PLAG1: variants seen among roughly 807,000 people sequenced by gnomAD.
PLAG1 encodes zinc finger protein PLAG1.
PLAG1 carries 7 observed loss-of-function variants against 35.5 expected under a neutral mutation model. The ratio of observed to expected loss-of-function variants is 0.20; its 90% confidence interval spans 0.11 to 0.37. PLAG1 has a LOEUF of 0.37. PLAG1 is among the 10% of genes least tolerant of loss of function. The pLI is 1.00. For synonymous variants in PLAG1, 229 were observed against 225.4 expected, an observed-to-expected ratio of 1.02 and a Z score of -0.14; for missense variants, 454 against 602.8, an observed-to-expected ratio of 0.75 and a Z score of 2.58.
chr8:56,169,730 C>T (rs1278021000), intron 3 of PLAG1, among the ~76,000 whole-genome samples: 1 of 152,108 alleles, frequency 6.6e-6, no homozygotes, highest in Non-Finnish European at 1.5e-5. Context: ...CTTTTGTAGA[C>T]ACAGGGTCTC....
rs1474684982 is a variant in PLAG1, at chr8:56,167,030, T to A, written c.716A>T (p.Glu239Val). 4 of 1,614,052 alleles carry A rather than the reference T, an allele frequency of 2.5e-6. No individual in the cohort carries two copies. The highest frequency in any genetic ancestry group is 3.4e-6 in the Non-Finnish European group (4 of 1,179,932). ...TGGTTCTGTTTTGACCTTCAGAAGC[T>A]CTTGATTGTGACTCTTCTTCATATG... Reference protein sequence around the residue: ...TRHMKKSHNQELLKVKTEPVD... With the variant: ...TRHMKKSHNQVLLKVKTEPVD... Residue 239 changes from glutamate (E) to valine (V), a missense_variant, in exon 5 of 5, where the codon GAG (glutamate) becomes GTG (valine). Glu to Val is a moderately radical substitution (Grantham distance 121). Coordinates refer to ENST00000316981, the MANE Select transcript of PLAG1 (RefSeq NM_002655.3). The surrounding 1 kb of genome is among the most constrained non-coding windows in gnomAD (Gnocchi z 5.9).
chr8:56,200,039 CCTTTCTAG>C (rs1272817162), intron 1 of PLAG1, among the ~76,000 whole-genome samples: 1 of 152,146 alleles, frequency 6.6e-6, no homozygotes, highest in Non-Finnish European at 1.5e-5. Flanking sequence ...GGCCTGTCTC[CCTTTCTAG>C]CTTTCTCCAC....
At position 56,166,096 on chromosome 8, in the gene PLAG1, G is replaced by C; in HGVS notation, c.*147C>G. Reference sequence around the variant, plus strand: ...GTTCCAAAGCTCAGTTTAAAAGCTAGTTTCTATTTTATACTGGCTTAATGA... The same window carrying C: ...GTTCCAAAGCTCAGTTTAAAAGCTACTTTCTATTTTATACTGGCTTAATGA... On this transcript the variant is annotated 3_prime_UTR_variant, in exon 5 of 5. Coordinates refer to ENST00000316981, the MANE Select transcript of PLAG1 (RefSeq NM_002655.3). 1.9e-6 allele frequency: 1 copy of C among 516,592 alleles called. No individual in the cohort carries two copies. Among genetic ancestry groups the C allele is most frequent in the Non-Finnish European group, 3.4e-6 (1 of 294,210 alleles). 32.0% of individuals were successfully genotyped at this position (516,592 alleles called of 1,614,324 possible). A position where few individuals can be genotyped will look rare whatever the true frequency, so the allele number is the denominator to read the frequency against.
intron 1 of PLAG1, among the ~76,000 whole-genome samples, chr8:56,193,921 T>C (rs191200421): frequency 0.013 from 1,998 of 152,170 alleles, 21 homozygotes; most frequent in Non-Finnish European, 0.019. Flanking sequence ...GGTTTCACCA[T>C]GTTAGCCAGG....
intron 1 of PLAG1, chr8:56,209,250 A>C (rs1812780183): frequency 6.6e-6 from 1 of 152,294 alleles, no homozygotes; most frequent in Non-Finnish European, 1.5e-5. Context: ...AATTCCTTCC[A>C]AAATCAGCTT....
At chr8:56,199,315 T>C (rs887560662) in intron 1 of PLAG1, among the ~76,000 whole-genome samples, 5 of 152,112 alleles carry the variant, frequency 3.3e-5, no homozygotes, top group Admixed American at 2.6e-4. Context: ...GGGGATAAAA[T>C]GGAAATGATG....
At chr8:56,191,851 A>C (rs1179059771) in intron 1 of PLAG1, among the ~76,000 whole-genome samples, 1 of 151,340 alleles carries the variant, frequency 6.6e-6, no homozygotes, top group Non-Finnish European at 1.5e-5. Context: ...ACAGGTTCTG[A>C]ACTGCCAAAG....
At chr8:56,195,580 G>T (rs915414703) in intron 1 of PLAG1, among the ~76,000 whole-genome samples, 1 of 152,192 alleles carries the variant, frequency 6.6e-6, no homozygotes, top group African/African-American at 2.4e-5. Context: ...GTGGAGCCAC[G>T]ACCCAGAAAG....
chr8:56,193,695 C>CTT (rs760038291), intron 1 of PLAG1, among the ~76,000 whole-genome samples: 16,629 of 130,648 alleles, frequency 0.13, 1,329 homozygotes, highest in East Asian at 0.3. Context: ...ATTAGGTAAA[C>CTT]TTTTTTTTTT....
intron 1 of PLAG1, among the ~76,000 whole-genome samples, chr8:56,190,109 G>C (rs1050114227): frequency 2.0e-5 from 3 of 152,216 alleles, no homozygotes; most frequent in Admixed American, 6.5e-5. Context: ...AGTTTCCTCA[G>C]CTATGAAGTG....
intron 1 of PLAG1, among the ~76,000 whole-genome samples, chr8:56,202,707 A>C (rs193118935): frequency 6.6e-5 from 10 of 152,368 alleles, no homozygotes; most frequent in Admixed American, 3.3e-4. Flanking sequence ...GTTTAAGTAG[A>C]GCAACTGTAT....
chr8:56,198,521 T>C (rs750752619), intron 1 of PLAG1, among the ~76,000 whole-genome samples: 1 of 152,204 alleles, frequency 6.6e-6, no homozygotes, highest in Non-Finnish European at 1.5e-5. Context: ...GGAGTTCTAC[T>C]GCACTCAGGG....
chr8:56,193,495 G>A (rs1054420564), intron 1 of PLAG1, among the ~76,000 whole-genome samples: 2 of 152,128 alleles, frequency 1.3e-5, no homozygotes, highest in Non-Finnish European at 2.9e-5. Flanking sequence ...TATTTATACA[G>A]TTTATGATGT....
chr8:56,198,775 C>T (rs1408963693), intron 1 of PLAG1, among the ~76,000 whole-genome samples: 1 of 152,096 alleles, frequency 6.6e-6, no homozygotes, highest in African/African-American at 2.4e-5. Context: ...TTCCCTGGCC[C>T]CCAGGACTCC....
chr8:56,163,540 TG>T lies in PLAG1; in HGVS notation c.*2702del. ...TTACTCTGAAGTGTTATTTCAAGTC[TG>T]GGGGTGGGAACAGGCAAAGAGGTGT... On this transcript the variant is annotated 3_prime_UTR_variant, in exon 5 of 5. Transcript: ENST00000316981. The T allele has an allele frequency of 1.0e-5, 2 of 200,702 alleles. No homozygotes were observed. Among genetic ancestry groups the T allele is most frequent in the Non-Finnish European group, 1.0e-5 (1 of 97,054 alleles). 12.4% of individuals were successfully genotyped at this position (200,702 alleles called of 1,614,324 possible). A position where few individuals can be genotyped will look rare whatever the true frequency, so the allele number is the denominator to read the frequency against.
At position 56,163,317 on chromosome 8, in the gene PLAG1, A is replaced by T; in HGVS notation, c.*2926T>A. ...AATGAAAACAGCATTGGCAATACTT[A>T]TTTTTAATCATATCTAGTTGACATA... On this transcript the variant is annotated 3_prime_UTR_variant, in exon 5 of 5. Transcript: ENST00000316981. 1 of 151,226 alleles carries T rather than the reference A, an allele frequency of 6.6e-6. No individual in the cohort carries two copies. The highest frequency in any genetic ancestry group is 1.3e-5 in the Non-Finnish European group (1 of 77,274). 9.4% of individuals were successfully genotyped at this position (151,226 alleles called of 1,614,324 possible).
At chr8:56,210,447 T>G (rs1812846419) in intron 1 of PLAG1, among the ~76,000 whole-genome samples, 1 of 73,170 alleles carries the variant, frequency 1.4e-5, no homozygotes, top group Non-Finnish European at 2.7e-5. Context: ...CACACCTCCC[T>G]GCAGACCCCG....
chr8:56,190,492 A>G (rs1563386879), intron 1 of PLAG1, among the ~76,000 whole-genome samples: 1 of 152,166 alleles, frequency 6.6e-6, no homozygotes, highest in Non-Finnish European at 1.5e-5. Flanking sequence ...GTAAAATTGA[A>G]AAGAACTATT....
intron 3 of PLAG1, among the ~76,000 whole-genome samples, chr8:56,169,043 A>C (rs1026705239): frequency 6.6e-6 from 1 of 152,264 alleles, no homozygotes; most frequent in Non-Finnish European, 1.5e-5. Flanking sequence ...TTCTTCAAAT[A>C]GTAAAACCTT....
Sources: allele counts gnomAD v4.1 joint callset (sites outside exome capture counted in the v4.1 genomes callset), GRCh38; gene constraint gnomAD v4.1.1; non-coding constraint Gnocchi (gnomAD v3.1); transcripts MANE v1.5; gene names NCBI Gene and HGNC (gene_info 2026-07-23, HGNC 2026-07-21).